KCNT2: variants seen among roughly 807,000 people sequenced by gnomAD.
The protein encoded by KCNT2 is potassium sodium-activated channel subfamily T member 2, also known as potassium channel subfamily T member 2.
In KCNT2, 67 loss-of-function variants were observed where a neutral mutation model predicts 153.8. The observed-to-expected ratio is 0.44, with a 90% CI of 0.36 to 0.53. The LOEUF (loss-of-function observed/expected upper bound fraction) is 0.53, where lower values mean the gene tolerates loss of function less well. Among genes scored for constraint, KCNT2 ranks in the 20% least tolerant of loss-of-function variants. The pLI is 0.00. For missense variants in KCNT2, 975 were observed against 1,354.8 expected, an observed-to-expected ratio of 0.72 and a Z score of 4.40; for synonymous variants, 500 against 458.8, an observed-to-expected ratio of 1.09 and a Z score of -1.15.
At chr1:196,361,339 A>C (rs1336651712) in intron 14 of KCNT2, among the ~76,000 whole-genome samples, 1 of 152,024 alleles carries the variant, frequency 6.6e-6, no homozygotes, top group Non-Finnish European at 1.5e-5. Flanking sequence ...ATATGTCCCG[A>C]AGGTTACCTG....
At chr1:196,480,843 G>C (rs1191484181) in intron 4 of KCNT2, among the ~76,000 whole-genome samples, 1 of 97,332 alleles carries the variant, frequency 1.0e-5, no homozygotes, top group Non-Finnish European at 1.8e-5. Context: ...GCGACAGAGA[G>C]AGACTTCGTC....
chr1:196,493,778 T>A (rs987306733), intron 1 of KCNT2, among the ~76,000 whole-genome samples: 1 of 152,240 alleles, frequency 6.6e-6, no homozygotes, highest in Non-Finnish European at 1.5e-5. Context: ...ATGTGTTGTA[T>A]CTTCTAAAAT....
chr1:196,494,983 T>C (rs72732259), intron 1 of KCNT2, among the ~76,000 whole-genome samples: 49,661 of 151,846 alleles, frequency 0.33, 8,153 homozygotes, highest in Admixed American at 0.39. Context: ...CTTTTTTTTT[T>C]TTCCTGAGAG....
chr1:196,301,452 C>T (rs576316998), intron 22 of KCNT2, among the ~76,000 whole-genome samples: 46 of 152,128 alleles, frequency 3.0e-4, no homozygotes, highest in Non-Finnish European at 5.7e-4. Context: ...CCCCTATATC[C>T]CCTACAGTAG....
At position 196,492,277 on chromosome 1, in the gene KCNT2, T is replaced by A; in HGVS notation, c.160A>T (p.Lys54Ter). 1 of 1,427,910 alleles carries A rather than the reference T, an allele frequency of 7.0e-7. No homozygotes were observed. The highest frequency in any genetic ancestry group is 9.4e-7 in the Non-Finnish European group (1 of 1,068,216). The allele number at this position is 1,427,910 out of a possible 1,614,324, so 88.5% of individuals were successfully genotyped here. A position where few individuals can be genotyped will look rare whatever the true frequency, so the allele number is the denominator to read the frequency against. Residue 54 changes from lysine to a stop codon, truncating the protein, a stop_gained, in exon 2 of 28, where the codon AAA (lysine) becomes TAA (stop). Coordinates refer to ENST00000294725, the MANE Select transcript of KCNT2 (RefSeq NM_198503.5). LOFTEE classifies it high-confidence loss of function. ...FKERLKLFFI[K>*]NQRSSLRIRL... is the part of the protein sequence containing the mutation. ...AATAACTTACTTGATCTCTGGTTTT[T>A]TATGAAAAATAATTTTAGTCTTTCT... is the stretch of plus-strand genomic sequence containing the variant.
intron 24 of KCNT2, among the ~76,000 whole-genome samples, chr1:196,281,613 A>G (rs574047344): frequency 6.6e-6 from 1 of 152,274 alleles, no homozygotes; most frequent in East Asian, 1.9e-4. Flanking sequence ...CTGAACTGTT[A>G]CCAAATCATT....
chr1:196,355,898 C>A, intron 14 of KCNT2, among the ~76,000 whole-genome samples: 1 of 151,886 alleles, frequency 6.6e-6, no homozygotes, highest in Non-Finnish European at 1.5e-5. Flanking sequence ...ACACAGATCA[C>A]AGCCTGCTTG....
chr1:196,591,848 T>C (rs1663398150), intron 1 of KCNT2, among the ~76,000 whole-genome samples: 2 of 152,152 alleles, frequency 1.3e-5, no homozygotes, highest in South Asian at 4.1e-4. Context: ...GAATGAGATA[T>C]TACATGAAAT....
At chr1:196,398,351 A>G (rs940346260) in intron 13 of KCNT2, among the ~76,000 whole-genome samples, 13 of 151,584 alleles carry the variant, frequency 8.6e-5, no homozygotes, top group African/African-American at 3.1e-4. Flanking sequence ...ACCAAGTTAT[A>G]TAAAAAAATT....
chr1:196,365,459 T>G (rs1020569607), intron 14 of KCNT2, among the ~76,000 whole-genome samples: 4 of 152,182 alleles, frequency 2.6e-5, no homozygotes, highest in African/African-American at 9.6e-5. Flanking sequence ...TTCAACATTA[T>G]AGGTATTTAA....
chr1:196,349,869 C>A (rs1666492257), intron 14 of KCNT2, among the ~76,000 whole-genome samples: 1 of 151,972 alleles, frequency 6.6e-6, no homozygotes, highest in Admixed American at 6.6e-5. Flanking sequence ...TCCCCCAGCC[C>A]ACAACAGTCC....
At chr1:196,499,309 T>C (rs1009137222) in intron 1 of KCNT2, among the ~76,000 whole-genome samples, 2 of 152,182 alleles carry the variant, frequency 1.3e-5, no homozygotes, top group African/African-American at 4.8e-5. Flanking sequence ...ATTGTGGCAG[T>C]CCTAAATACA....
At chr1:196,532,066 A>G in intron 1 of KCNT2, among the ~76,000 whole-genome samples, 1 of 151,956 alleles carries the variant, frequency 6.6e-6, no homozygotes. Flanking sequence ...TTATTTTATC[A>G]GTCTTTTTCC....
chr1:196,283,258 G>T (rs539402284), intron 23 of KCNT2, among the ~76,000 whole-genome samples: 4 of 152,042 alleles, frequency 2.6e-5, no homozygotes, highest in African/African-American at 9.7e-5. Context: ...TGGCTAACAC[G>T]GTGAAACCTT....
At chr1:196,454,299 G>A (rs1676468030) in intron 8 of KCNT2, among the ~76,000 whole-genome samples, 1 of 151,868 alleles carries the variant, frequency 6.6e-6, no homozygotes, top group Admixed American at 6.6e-5. Context: ...GCTAAGGTTT[G>A]GGGTACAAAT....
chr1:196,452,053 C>T (rs1676258198), intron 8 of KCNT2, among the ~76,000 whole-genome samples: 1 of 151,932 alleles, frequency 6.6e-6, no homozygotes, highest in Non-Finnish European at 1.5e-5. Context: ...ACAATATCCT[C>T]TTAAGTTTAA....
chr1:196,261,579 G>T (rs904414565), intron 25 of KCNT2, among the ~76,000 whole-genome samples: 3 of 151,920 alleles, frequency 2.0e-5, no homozygotes, highest in Non-Finnish European at 4.4e-5. Context: ...GGATGAAAAA[G>T]AGAGGGAATC....
chr1:196,511,988 C>T (rs1301452780), intron 1 of KCNT2, among the ~76,000 whole-genome samples: 2 of 152,278 alleles, frequency 1.3e-5, no homozygotes, highest in East Asian at 1.9e-4. Context: ...TTTCTCATCT[C>T]TTATACTTTC....
chr1:196,491,250 C>T (rs1679838038), intron 2 of KCNT2, among the ~76,000 whole-genome samples: 1 of 151,910 alleles, frequency 6.6e-6, no homozygotes, highest in Non-Finnish European at 1.5e-5. Flanking sequence ...ATGGGGCTTC[C>T]TTGGATATTC....
Sources: gnomAD v4.1 joint callset for allele counts (sites outside exome capture counted in the v4.1 genomes callset) on GRCh38, gnomAD v4.1.1 for gene constraint, MANE v1.5 for transcripts, NCBI Gene and HGNC (gene_info 2026-07-23, HGNC 2026-07-21) for gene names.